Variants in ST6GALNAC3 observed in about 807,000 individuals in gnomAD.
The protein encoded by ST6GALNAC3 is ST6 N-acetylgalactosaminide alpha-2,6-sialyltransferase 3.
ST6GALNAC3 carries 25 observed loss-of-function variants against 32.7 expected under a neutral mutation model. The ratio of observed to expected loss-of-function variants is 0.76; its 90% CI spans 0.56 to 1.07. The LOEUF is 1.07. ST6GALNAC3 is among the 50% of genes least tolerant of loss of function. The pLI is 0.00. For synonymous variants in ST6GALNAC3, 129 were observed against 133.1 expected (o/e 0.97, Z 0.21); for missense variants, 355 against 382.4 (o/e 0.93, Z 0.60).
At chr1:76,456,519 TC>T (rs1657814307) in intron 3 of ST6GALNAC3, among the ~76,000 whole-genome samples, 1 of 152,120 alleles carries the variant, frequency 6.6e-6, no homozygotes, top group Admixed American at 6.6e-5. Flanking sequence ...AATAGATATT[TC>T]TTTTAAGTTT....
chr1:76,532,402 G>A (rs1320679857), intron 3 of ST6GALNAC3, among the ~76,000 whole-genome samples: 2 of 152,088 alleles, frequency 1.3e-5, no homozygotes, highest in Non-Finnish European at 2.9e-5. Context: ...CGGACCTTAG[G>A]ACTCTTCCTC....
chr1:76,495,412 A>G (rs904517620), intron 3 of ST6GALNAC3, among the ~76,000 whole-genome samples: 1 of 152,132 alleles, frequency 6.6e-6, no homozygotes, highest in Admixed American at 6.6e-5. Flanking sequence ...CATCTCAAAC[A>G]AAGTTGCAAA....
In ST6GALNAC3 at chr1:76,355,136, C is replaced by G. The variant is rs183068008; in HGVS notation, c.213+41137C>G. Among the ~76,000 whole-genome samples the G allele has an allele frequency of 4.0e-3, 614 of 152,150 alleles. 2 individuals carry two copies. Among genetic ancestry groups the G allele is most frequent in the African/African-American group, 0.014 (577 of 41,508 alleles). On this transcript the variant is annotated intron_variant, in intron 2 of 4. Transcript: ENST00000328299. ...GGATGAAGTAAAAAATTCACTCCCT[C>G]ACAATGGATTAATTTTTTTTCTCAG...
intron 1 of ST6GALNAC3, among the ~76,000 whole-genome samples, chr1:76,293,625 G>C (rs1428276525): frequency 6.6e-6 from 1 of 152,086 alleles, no homozygotes; most frequent in East Asian, 1.9e-4. Context: ...TTATTCACAA[G>C]GTCAATGCAA....
intron 2 of ST6GALNAC3, among the ~76,000 whole-genome samples, chr1:76,390,693 C>G (rs930691355): frequency 5.3e-5 from 8 of 152,108 alleles, no homozygotes; most frequent in Non-Finnish European, 4.4e-5. Flanking sequence ...TACCTCACAG[C>G]TCTCAGTGCC....
intron 3 of ST6GALNAC3, among the ~76,000 whole-genome samples, chr1:76,616,690 T>C (rs1421102123): frequency 6.6e-6 from 1 of 152,146 alleles, no homozygotes; most frequent in African/African-American, 2.4e-5. Context: ...ATATGTCAGT[T>C]GTTGCTTCTG....
At chr1:76,296,031 TGGTG>T (rs1483048568) in intron 1 of ST6GALNAC3, among the ~76,000 whole-genome samples, 3 of 151,836 alleles carry the variant, frequency 2.0e-5, no homozygotes, top group African/African-American at 7.3e-5. Context: ...TATGTGGGGG[TGGTG>T]TGTTCTGAAC....
chr1:76,247,301 A>T (rs2100686278), intron 1 of ST6GALNAC3, among the ~76,000 whole-genome samples: 1 of 152,310 alleles, frequency 6.6e-6, no homozygotes, highest in East Asian at 1.9e-4. Context: ...TTGAGGAGGC[A>T]GTCTGTCCTT....
chr1:76,329,820 A>ATTTT (rs1553180140), intron 2 of ST6GALNAC3, among the ~76,000 whole-genome samples: 1 of 150,670 alleles, frequency 6.6e-6, no homozygotes, highest in Non-Finnish European at 1.5e-5. Context: ...TTATTTATTT[A>ATTTT]TTTTTTGAGA....
At chr1:76,471,325 C>T (rs1440236827) in intron 3 of ST6GALNAC3, among the ~76,000 whole-genome samples, 1 of 152,118 alleles carries the variant, frequency 6.6e-6, no homozygotes, top group East Asian at 1.9e-4. Flanking sequence ...ATGAACCTAT[C>T]TTAAAGCACT....
intron 1 of ST6GALNAC3, among the ~76,000 whole-genome samples, chr1:76,076,917 C>T (rs1388272498): frequency 6.6e-6 from 1 of 152,180 alleles, no homozygotes; most frequent in Non-Finnish European, 1.5e-5. Context: ...CTTCCATATA[C>T]TTTACTGCTG....
chr1:76,156,755 G>A (rs1050942556), intron 1 of ST6GALNAC3, among the ~76,000 whole-genome samples: 20 of 151,968 alleles, frequency 1.3e-4, no homozygotes, highest in African/African-American at 4.6e-4. Flanking sequence ...TTTTTGAGAC[G>A]GAGTCTCGCT....
intron 1 of ST6GALNAC3, among the ~76,000 whole-genome samples, chr1:76,259,671 G>A (rs924407501): frequency 6.6e-6 from 1 of 152,162 alleles, no homozygotes; most frequent in Non-Finnish European, 1.5e-5. Context: ...AATGGGTGTT[G>A]TGACCTTTCT....
At chr1:76,572,904 T>C (rs888995441) in intron 3 of ST6GALNAC3, among the ~76,000 whole-genome samples, 2 of 152,082 alleles carry the variant, frequency 1.3e-5, no homozygotes, top group African/African-American at 4.8e-5. Context: ...GGTAGTGTCT[T>C]AATACCTTAC....
At chr1:76,572,055 ATAAT>A (rs1220038626) in intron 3 of ST6GALNAC3, among the ~76,000 whole-genome samples, 2 of 152,124 alleles carry the variant, frequency 1.3e-5, no homozygotes, top group East Asian at 3.8e-4. Flanking sequence ...TCATGGAAAA[ATAAT>A]TAGCCAATTC....
rs34921779 is a variant in ST6GALNAC3, at chr1:76,403,706, T to G, written c.214-8302T>G. Among the ~76,000 whole-genome samples, 15 of 152,114 alleles carry G rather than the reference T, an allele frequency of 9.9e-5. No homozygotes were observed. In the South Asian group the frequency reaches 3.1e-3, roughly 32 times the overall value. Reference sequence around the variant, plus strand: ...GACATGCAAGTACACTAATACCATATAGCAAGAATCAGTTTTCTTACCTTC... The same window carrying G: ...GACATGCAAGTACACTAATACCATAGAGCAAGAATCAGTTTTCTTACCTTC... On this transcript the variant is annotated intron_variant, in intron 2 of 4. Coordinates refer to ENST00000328299, the MANE Select transcript of ST6GALNAC3 (RefSeq NM_152996.4).
chr1:76,332,959 T>A (rs750276795), intron 2 of ST6GALNAC3, among the ~76,000 whole-genome samples: 1 of 152,108 alleles, frequency 6.6e-6, no homozygotes, highest in Non-Finnish European at 1.5e-5. Context: ...AGAACACCTA[T>A]AGCAATTTAT....
intron 3 of ST6GALNAC3, among the ~76,000 whole-genome samples, chr1:76,607,393 C>T (rs1647631326): frequency 6.6e-6 from 1 of 152,098 alleles, no homozygotes; most frequent in African/African-American, 2.4e-5. Context: ...TCTCCTATCC[C>T]CTTACACTGG....
At chr1:76,093,719 A>G (rs1647082595) in intron 1 of ST6GALNAC3, among the ~76,000 whole-genome samples, 1 of 152,200 alleles carries the variant, frequency 6.6e-6, no homozygotes. Flanking sequence ...CTGAGAGACA[A>G]CGCCAGAGGA....
Sources: gnomAD v4.1 joint callset for allele counts (sites outside exome capture counted in the v4.1 genomes callset) on GRCh38, gnomAD v4.1.1 for gene constraint, MANE v1.5 for transcripts, NCBI Gene and HGNC (gene_info 2026-07-23, HGNC 2026-07-21) for gene names.